Variants in COLEC10 observed in about 807,000 individuals in gnomAD.
COLEC10 encodes the protein collectin subfamily member 10, also known as collectin-10.
In COLEC10, 22 loss-of-function variants were observed where a neutral mutation model predicts 28.4. The observed-to-expected ratio is 0.78, with a 90% CI of 0.55 to 1.11. The LOEUF is 1.11. COLEC10 is among the 50% of genes least tolerant of loss of function. The pLI, the probability that COLEC10 is intolerant of heterozygous loss-of-function variation, is 0.00. For missense variants in COLEC10, 361 were observed against 344.1 expected, an observed-to-expected ratio of 1.05 and a Z score of -0.39; for synonymous variants, 125 against 116.1, an observed-to-expected ratio of 1.08 and a Z score of -0.49.
the COLEC10 span, among the ~76,000 whole-genome samples, chr8:118,984,961 A>T: frequency 2.0e-5 from 3 of 152,080 alleles, no homozygotes; most frequent in African/African-American, 7.2e-5. Flanking sequence ...AGACCCATTC[A>T]CTATCACGAG....
At chr8:118,997,341 G>T (rs1433016712) in intron 1 of COLEC10, among the ~76,000 whole-genome samples, 1 of 152,062 alleles carries the variant, frequency 6.6e-6, no homozygotes, top group Non-Finnish European at 1.5e-5. Flanking sequence ...TCTTGCTTTT[G>T]TTACCTGTGC....
At chr8:118,966,776 C>T in the COLEC10 span, among the ~76,000 whole-genome samples, 2 of 152,020 alleles carry the variant, frequency 1.3e-5, no homozygotes, top group African/African-American at 2.4e-5. Flanking sequence ...TCCACTTCAT[C>T]CTGTCTTTCT....
In COLEC10 at chr8:119,107,532, A is replaced by T. The variant is rs1563746855; in HGVS notation, c.*1341A>T. On this transcript the variant is annotated 3_prime_UTR_variant, in exon 6 of 6. Transcript: ENST00000332843. ...ATGGTTAATGAAGTAAGAGAAACAG[A>T]TCAACAACATATGTTCACCTTAAAC... 6.6e-6 allele frequency among the ~76,000 whole-genome samples: 1 copy of T among 152,210 alleles called. No homozygotes were observed.
chr8:119,049,266 T>G (rs1208637881), intron 2 of COLEC10, among the ~76,000 whole-genome samples: 4 of 152,124 alleles, frequency 2.6e-5, no homozygotes, highest in Non-Finnish European at 4.4e-5. Flanking sequence ...TGCCTTTACA[T>G]TGGTTTTTAA....
chr8:119,063,508 T>G (rs1322835031), upstream of COLEC10, among the ~76,000 whole-genome samples: 1 of 152,192 alleles, frequency 6.6e-6, no homozygotes, highest in Admixed American at 6.6e-5. Context: ...AGTCTTCACC[T>G]GGCCTTCTCC....
intron 2 of COLEC10, among the ~76,000 whole-genome samples, chr8:119,025,131 C>A (rs527607122): frequency 1.3e-5 from 2 of 152,242 alleles, no homozygotes; most frequent in South Asian, 2.1e-4. Context: ...ACAGTCTATT[C>A]CTTCCAGAAT....
chr8:118,957,304 T>C, the COLEC10 span, among the ~76,000 whole-genome samples: 8 of 152,118 alleles, frequency 5.3e-5, no homozygotes, highest in Admixed American at 5.2e-4. Flanking sequence ...CTTCGGATGG[T>C]GATAGGTCAA....
chr8:119,084,757 TA>T (rs1330122745), intron 1 of COLEC10, among the ~76,000 whole-genome samples: 1 of 152,186 alleles, frequency 6.6e-6, no homozygotes, highest in Non-Finnish European at 1.5e-5. Context: ...TTTACTTTTT[TA>T]AAAAATATAG....
chr8:119,073,475 A>T (rs1350117311), intron 1 of COLEC10, among the ~76,000 whole-genome samples: 1 of 152,120 alleles, frequency 6.6e-6, no homozygotes, highest in Non-Finnish European at 1.5e-5. Flanking sequence ...ACTTTTTATT[A>T]ATTGTATTAA....
intron 2 of COLEC10, among the ~76,000 whole-genome samples, chr8:119,018,044 A>C (rs74959942): frequency 6.6e-6 from 1 of 152,122 alleles, no homozygotes; most frequent in Non-Finnish European, 1.5e-5. Flanking sequence ...AGGAGGGGAC[A>C]AAAGATTTCT....
At chr8:118,961,573 C>A in the COLEC10 span, among the ~76,000 whole-genome samples, 1 of 152,270 alleles carries the variant, frequency 6.6e-6, no homozygotes, top group South Asian at 2.1e-4. Flanking sequence ...ACATGTTGCA[C>A]TTTGTTGATT....
At chr8:118,996,419 T>C (rs1478188743) in intron 1 of COLEC10, among the ~76,000 whole-genome samples, 1 of 152,184 alleles carries the variant, frequency 6.6e-6, no homozygotes, top group Non-Finnish European at 1.5e-5. Flanking sequence ...TATTTTTAAT[T>C]TTTTGAGGAA....
intron 2 of COLEC10, among the ~76,000 whole-genome samples, chr8:119,020,553 A>T (rs1814072924): frequency 6.6e-6 from 1 of 152,166 alleles, no homozygotes; most frequent in African/African-American, 2.4e-5. Context: ...AGTCAAGCTT[A>T]GTAGTATCCC....
intron 1 of COLEC10, among the ~76,000 whole-genome samples, chr8:118,995,936 T>G (rs1200805390): frequency 6.6e-6 from 1 of 152,082 alleles, no homozygotes; most frequent in African/African-American, 2.4e-5. Context: ...TTTTTAGAGG[T>G]ACAGTACAGT....
chr8:119,051,917 G>A (rs1042525209), intron 2 of COLEC10, among the ~76,000 whole-genome samples: 4 of 151,984 alleles, frequency 2.6e-5, no homozygotes, highest in African/African-American at 9.7e-5. Context: ...TGCGATATGA[G>A]GCAAATCACT....
At chr8:118,979,876 C>T in the COLEC10 span, among the ~76,000 whole-genome samples, 2 of 152,164 alleles carry the variant, frequency 1.3e-5, no homozygotes, top group Admixed American at 6.6e-5. Context: ...TTGAAGAGTC[C>T]AATTTTAAGC....
intron 2 of COLEC10, among the ~76,000 whole-genome samples, chr8:119,023,875 T>C (rs1483084694): frequency 6.6e-6 from 1 of 151,812 alleles, no homozygotes; most frequent in Non-Finnish European, 1.5e-5. Flanking sequence ...AAAGCACGTG[T>C]TTTGGTTTTA....
the COLEC10 span, among the ~76,000 whole-genome samples, chr8:118,981,018 G>A: frequency 1.3e-5 from 2 of 150,448 alleles, no homozygotes; most frequent in African/African-American, 2.5e-5. Flanking sequence ...GTTTATAGTG[G>A]TAGTTTTCCT....
the COLEC10 span, among the ~76,000 whole-genome samples, chr8:118,961,489 G>T: frequency 2.0e-5 from 3 of 152,162 alleles, no homozygotes; most frequent in African/African-American, 7.2e-5. Context: ...TGATTCAGGC[G>T]CTGGCCTTCT....
Sources: allele counts gnomAD v4.1 joint callset (sites outside exome capture counted in the v4.1 genomes callset), GRCh38; gene constraint gnomAD v4.1.1; transcripts MANE v1.5; gene names NCBI Gene and HGNC (gene_info 2026-07-23, HGNC 2026-07-21).